ADARB2: variants seen among roughly 807,000 people sequenced by gnomAD.
ADARB2 encodes adenosine deaminase RNA specific B2 (inactive).
ADARB2 carries 25 observed loss-of-function variants against 62.2 expected under a neutral mutation model. The ratio of observed to expected loss-of-function variants is 0.40; its 90% CI spans 0.29 to 0.56. The LOEUF (loss-of-function observed/expected upper bound fraction) is 0.56, where lower values mean the gene tolerates loss of function less well. ADARB2 is among the 20% of genes least tolerant of loss of function. ADARB2 has a pLI of 0.43. For synonymous variants in ADARB2, 572 were observed against 500.8 expected (o/e 1.14, Z -1.90); for missense variants, 1,071 against 1,077.4 (o/e 0.99, Z 0.08).
chr10:1,523,711 G>A (rs899872627), intron 1 of ADARB2, among the ~76,000 whole-genome samples: 6 of 152,098 alleles, frequency 3.9e-5, no homozygotes, highest in African/African-American at 1.4e-4. Context: ...AAATCAAAAT[G>A]TTTTACCTTG....
At chr10:1,543,893 C>A (rs949636322) in intron 1 of ADARB2, among the ~76,000 whole-genome samples, 1 of 150,168 alleles carries the variant, frequency 6.7e-6, no homozygotes, top group African/African-American at 2.5e-5. Flanking sequence ...CCCATCAAGT[C>A]AATTTTGTCT....
At chr10:1,342,507 A>T (rs1832039819) in intron 3 of ADARB2, among the ~76,000 whole-genome samples, 1 of 152,188 alleles carries the variant, frequency 6.6e-6, no homozygotes, top group South Asian at 2.1e-4. Context: ...GAGCTTTGGG[A>T]AGCCAGTCTT....
intron 3 of ADARB2, among the ~76,000 whole-genome samples, chr10:1,357,004 G>T (rs1361850770): frequency 9.2e-5 from 14 of 152,118 alleles, no homozygotes; most frequent in Admixed American, 9.2e-4. Context: ...GGTCAGGAGG[G>T]TTCTTCTAGG....
chr10:1,311,038 A>T lies in ADARB2; in HGVS notation c.1078-39969T>A, dbSNP rs557434933. Among the ~76,000 whole-genome samples the T allele has an allele frequency of 2.6e-4, 39 of 152,346 alleles. No homozygotes were observed. In the East Asian group the frequency reaches 6.8e-3, roughly 26 times the overall value. Reference sequence around the variant, plus strand: ...TAGATCTGGCTATAGGCAAATGAAGACTGAGACAGCCTCAGTAGCTCCAGA... The same window carrying T: ...TAGATCTGGCTATAGGCAAATGAAGTCTGAGACAGCCTCAGTAGCTCCAGA... On this transcript the variant is annotated intron_variant, in intron 3 of 9. Transcript: ENST00000381312.
At position 1,178,592 on chromosome 10, in the gene ADARB2, C is replaced by G. The variant is rs970716112; in HGVS notation, c.*4601G>C. The G allele has an allele frequency of 6.6e-6, 1 of 152,268 alleles. No homozygotes were observed. The highest frequency in any genetic ancestry group is 1.5e-5 in the Non-Finnish European group (1 of 68,104). The allele number at this position is 152,268 out of a possible 1,614,324, so 9.4% of individuals were successfully genotyped here. A position where few individuals can be genotyped will look rare whatever the true frequency, so the allele number is the denominator to read the frequency against. On this transcript the variant is annotated 3_prime_UTR_variant, in exon 10 of 10. Transcript: ENST00000381312. ...CGTGTCCTCCAGCCACCCGCCTAGC[C>G]CCACACAGTGGCAAAATACCAAAAG... is the stretch of plus-strand genomic sequence containing the variant.
At chr10:1,636,811 TTA>T (rs1425368566) in intron 1 of ADARB2, among the ~76,000 whole-genome samples, 2 of 148,340 alleles carry the variant, frequency 1.3e-5, no homozygotes, top group African/African-American at 2.5e-5. Context: ...TATAATATTG[TTA>T]TATATGTCAT....
intron 1 of ADARB2, among the ~76,000 whole-genome samples, chr10:1,445,382 A>G (rs921928643): frequency 1.4e-4 from 21 of 149,526 alleles, no homozygotes; most frequent in Admixed American, 1.3e-3. Flanking sequence ...CCATCCATTC[A>G]TCCACCCATT....
rs181460532 is a variant in ADARB2, at chr10:1,642,570, T to A, written c.100+94481A>T. 5.3e-5 allele frequency among the ~76,000 whole-genome samples: 8 copies of A among 152,326 alleles called. 1 individual carries two copies. Among genetic ancestry groups the A allele is most frequent in the Admixed American group, 4.6e-4 (7 of 15,302 alleles). On this transcript the variant is annotated intron_variant, in intron 1 of 9. Coordinates refer to ENST00000381312, the MANE Select transcript of ADARB2 (RefSeq NM_018702.4). Reference sequence around the variant, plus strand: ...AGAAAAAACCACCACATTGGTATAATTTATATAAAATAAAAGCAAGATAAA... The same window carrying A: ...AGAAAAAACCACCACATTGGTATAAATTATATAAAATAAAAGCAAGATAAA...
chr10:1,730,083 A>T (rs1461904839), intron 1 of ADARB2, among the ~76,000 whole-genome samples: 1 of 152,200 alleles, frequency 6.6e-6, no homozygotes, highest in African/African-American at 2.4e-5. Context: ...CATAAGATTC[A>T]CTCCATCTAT....
intron 6 of ADARB2, among the ~76,000 whole-genome samples, chr10:1,225,905 G>C (rs547112177): frequency 6.6e-6 from 1 of 151,886 alleles, no homozygotes; most frequent in Non-Finnish European, 1.5e-5. Flanking sequence ...TGCTCTTCTC[G>C]AGGAGTATCT....
chr10:1,623,557 C>G (rs533685326), intron 1 of ADARB2, among the ~76,000 whole-genome samples: 6 of 152,338 alleles, frequency 3.9e-5, no homozygotes, highest in Admixed American at 1.3e-4. Context: ...CGCCTACACC[C>G]GCCTCTGGCC....
intron 3 of ADARB2, among the ~76,000 whole-genome samples, chr10:1,297,269 G>A (rs1414794375): frequency 6.6e-6 from 1 of 152,160 alleles, no homozygotes; most frequent in Non-Finnish European, 1.5e-5. Flanking sequence ...TATGGAGGGA[G>A]GCGTAGCCCC....
chr10:1,269,950 A>G (rs932422529), intron 4 of ADARB2, among the ~76,000 whole-genome samples: 1 of 152,222 alleles, frequency 6.6e-6, no homozygotes, highest in African/African-American at 2.4e-5. Context: ...GGGCTGGTAT[A>G]TTTATATACT....
intron 6 of ADARB2, among the ~76,000 whole-genome samples, chr10:1,218,759 C>T (rs55720436): frequency 0.28 from 42,059 of 151,848 alleles, 7,095 homozygotes; most frequent in South Asian, 0.45. Flanking sequence ...AAGTGTGTGG[C>T]ATCAGCCGGG....
At chr10:1,689,870 A>G (rs1834646710) in intron 1 of ADARB2, among the ~76,000 whole-genome samples, 2 of 152,232 alleles carry the variant, frequency 1.3e-5, no homozygotes, top group Admixed American at 1.3e-4. Context: ...TCCCCTCTAC[A>G]GTTACGTAGG....
intron 1 of ADARB2, among the ~76,000 whole-genome samples, chr10:1,500,706 C>A (rs1299321471): frequency 6.6e-6 from 1 of 152,122 alleles, no homozygotes; most frequent in Non-Finnish European, 1.5e-5. Flanking sequence ...TATAGGTGGG[C>A]TGCATATTTA....
At chr10:1,497,662 C>T (rs991207197) in intron 1 of ADARB2, among the ~76,000 whole-genome samples, 1 of 152,152 alleles carries the variant, frequency 6.6e-6, no homozygotes, top group Non-Finnish European at 1.5e-5. Flanking sequence ...TCCTAAATCT[C>T]TTCAATCTGA....
chr10:1,309,378 A>G (rs934456848), intron 3 of ADARB2, among the ~76,000 whole-genome samples: 1 of 152,140 alleles, frequency 6.6e-6, no homozygotes, highest in African/African-American at 2.4e-5. Flanking sequence ...GTCATTGTGG[A>G]AAGTGCCTTT....
intron 1 of ADARB2, among the ~76,000 whole-genome samples, chr10:1,388,896 G>A (rs550416484): frequency 1.4e-4 from 22 of 152,234 alleles, no homozygotes; most frequent in Middle Eastern, 3.4e-3. Context: ...CAGAATAGTC[G>A]AAACAATATT....
Sources: allele counts gnomAD v4.1 joint callset (sites outside exome capture counted in the v4.1 genomes callset), GRCh38; gene constraint gnomAD v4.1.1; transcripts MANE v1.5; gene names NCBI Gene and HGNC (gene_info 2026-07-23, HGNC 2026-07-21).